The following ACTR10 variants were observed in gnomAD, a reference collection of about 807,000 sequenced individuals.
ACTR10 encodes the protein actin related protein 10.
ACTR10 carries 43 observed loss-of-function variants against 56.2 expected under a neutral mutation model. That is an observed-to-expected ratio of 0.77 (90% CI 0.60 to 0.99). The LOEUF is 0.99. ACTR10 is among the 50% of genes least tolerant of loss of function. The pLI is 0.00. For missense variants in ACTR10, 466 were observed against 507.8 expected (o/e 0.92, Z 0.79); for synonymous variants, 170 against 176.3 (o/e 0.96, Z 0.28).
intron 7 of ACTR10, among the ~76,000 whole-genome samples, chr14:58,215,910 A>G (rs1044720601): frequency 3.3e-5 from 5 of 152,040 alleles, no homozygotes; most frequent in African/African-American, 7.2e-5. Flanking sequence ...CCCGTTTTAC[A>G]AAACTGGAAG....
chr14:58,217,058 T>C (rs1889149948), intron 7 of ACTR10, among the ~76,000 whole-genome samples: 1 of 152,202 alleles, frequency 6.6e-6, no homozygotes, highest in South Asian at 2.1e-4. Flanking sequence ...GATCCAATTA[T>C]AGCTTTCAAA....
intron 8 of ACTR10, among the ~76,000 whole-genome samples, chr14:58,222,260 AG>A (rs1889291483): frequency 6.6e-6 from 1 of 152,172 alleles, no homozygotes; most frequent in Non-Finnish European, 1.5e-5. Context: ...ACTTTAAAAA[AG>A]GTATTCCTTA....
chr14:58,232,398 C>CTTTTTTTTTT (rs1566632021), intron 12 of ACTR10, 131 bp downstream of exon 12: 2 of 204,482 alleles, frequency 9.8e-6, no homozygotes, highest in African/African-American at 6.7e-5. Context: ...CTAACACTGA[C>CTTTTTTTTTT]TTTTTCTTTT....
chr14:58,221,059 G>A (rs953801480), intron 8 of ACTR10, among the ~76,000 whole-genome samples: 7 of 151,858 alleles, frequency 4.6e-5, no homozygotes, highest in African/African-American at 1.5e-4. Context: ...CGAGGTGGGC[G>A]GATCACGAGG....
At position 58,210,375 on chromosome 14, in the gene ACTR10, A is replaced by C. The variant is rs191710092; in HGVS notation, c.343-917A>C. Among the ~76,000 whole-genome samples the C allele has an allele frequency of 9.9e-5, 15 of 152,244 alleles. No individual in the cohort carries two copies. In the East Asian group the frequency reaches 2.9e-3, roughly 30 times the overall value. ...GCCGGACGTGGTGGCATGCACCTGT[A>C]GTCCCAGCTACTCAGGAGACTAAGG... On this transcript the variant is annotated intron_variant, in intron 4 of 12. Transcript: ENST00000254286.
chr14:58,213,321 T>C (rs1027751966), intron 5 of ACTR10: 1 of 211,058 alleles, frequency 4.7e-6, no homozygotes, highest in Non-Finnish European at 9.3e-6. Context: ...TTAGAGCACA[T>C]CTCAATTCAG....
chr14:58,207,342 T>C (rs938994111), intron 2 of ACTR10, among the ~76,000 whole-genome samples: 1 of 150,990 alleles, frequency 6.6e-6, no homozygotes, highest in East Asian at 2.0e-4. Flanking sequence ...TGTTTGTTTT[T>C]TGAGACGGAA....
At chr14:58,222,367 A>T (rs1889293767) in intron 8 of ACTR10, among the ~76,000 whole-genome samples, 1 of 152,224 alleles carries the variant, frequency 6.6e-6, no homozygotes, top group Admixed American at 6.5e-5. Flanking sequence ...AAGTAAAGTG[A>T]TATAGTAGAA....
In ACTR10 at chr14:58,223,771, T is replaced by C. The variant is rs368033138; in HGVS notation, c.715-12T>C. ...CATGTGTGGACTTATGTTTATGATA[T>C]TTATATTTCAGCGTCCCTCCCCACC... On this transcript the variant is annotated splice_polypyrimidine_tract_variant and intron_variant, in intron 9 of 12. Transcript: ENST00000254286. 2.7e-5 allele frequency: 44 copies of C among 1,611,614 alleles called. No homozygotes were observed. The African/African-American group carries it at 5.3e-4, about 20-fold the overall frequency.
At position 58,234,581 on chromosome 14, in the gene ACTR10, T is replaced by C; in HGVS notation, c.*30T>C. The C allele has an allele frequency of 6.3e-7, 1 of 1,587,552 alleles. No homozygotes were observed. The highest frequency in any genetic ancestry group is 1.1e-5 in the South Asian group (1 of 88,338). On this transcript the variant is annotated 3_prime_UTR_variant, in exon 13 of 13. Coordinates refer to ENST00000254286, the MANE Select transcript of ACTR10 (RefSeq NM_018477.3). ...TTGATTAAAAATCAACCTTGCTTCATATCAAATATTTAACCAATTATAAGC... is the reference window on the plus strand; with the variant it reads ...TTGATTAAAAATCAACCTTGCTTCACATCAAATATTTAACCAATTATAAGC...
intron 7 of ACTR10, among the ~76,000 whole-genome samples, chr14:58,215,976 T>TC (rs200415359): frequency 3.4e-5 from 5 of 148,202 alleles, no homozygotes; most frequent in Non-Finnish European, 6.0e-5. Flanking sequence ...TTTCTTTCTT[T>TC]TTTTTTTTTT....
At chr14:58,200,376 G>T in intron 1 of ACTR10, 82 bp downstream of exon 1, 1 of 1,209,776 alleles carries the variant, frequency 8.3e-7, no homozygotes, top group Non-Finnish European at 1.1e-6. Flanking sequence ...GGTCCTCATC[G>T]CCGACTCGCT....
intron 3 of ACTR10, 97 bp from the exon 4 acceptor site, chr14:58,208,902 T>A (rs1368691405): frequency 1.4e-6 from 1 of 724,188 alleles, no homozygotes; most frequent in African/African-American, 1.8e-5. Flanking sequence ...TAAAATATCT[T>A]AAGCTAAGGT....
chr14:58,225,082 GATA>G, intron 10 of ACTR10, among the ~76,000 whole-genome samples: 1 of 152,086 alleles, frequency 6.6e-6, no homozygotes, highest in Non-Finnish European at 1.5e-5. Flanking sequence ...ATTAGCCATA[GATA>G]ATATTTAAAT....
At chr14:58,213,758 CTGTT>C (rs1555349698) in intron 6 of ACTR10, 60 bp downstream of exon 6, 1 of 1,365,152 alleles carries the variant, frequency 7.3e-7, no homozygotes, top group Non-Finnish European at 1.0e-6. Context: ...AGTTGCTAAT[CTGTT>C]TGTTGATCAG....
At chr14:58,202,823 A>G (rs368718582) in intron 1 of ACTR10, 32 bp from the exon 2 acceptor site, 25 of 1,445,206 alleles carry the variant, frequency 1.7e-5, no homozygotes, top group African/African-American at 1.6e-4. Flanking sequence ...AAAGAATACT[A>G]TAAGTTGTTT....
chr14:58,228,931 A>T (rs142430464), intron 10 of ACTR10, among the ~76,000 whole-genome samples: 1 of 151,894 alleles, frequency 6.6e-6, no homozygotes, highest in Admixed American at 6.6e-5. Context: ...ATCTTTTTTT[A>T]TTTTCAAATC....
chr14:58,211,845 C>T (rs573248989), intron 5 of ACTR10, among the ~76,000 whole-genome samples: 1 of 151,580 alleles, frequency 6.6e-6, no homozygotes, highest in Admixed American at 6.6e-5. Flanking sequence ...GAGGCTGAGA[C>T]AGGAGAGTGG....
At chr14:58,209,579 T>C (rs941514180) in intron 4 of ACTR10, among the ~76,000 whole-genome samples, 12 of 152,310 alleles carry the variant, frequency 7.9e-5, no homozygotes, top group Non-Finnish European at 8.8e-5. Flanking sequence ...TCCTTTAAAA[T>C]GGAATATTCA....
Sources: gnomAD v4.1 joint callset for allele counts (sites outside exome capture counted in the v4.1 genomes callset) on GRCh38, gnomAD v4.1.1 for gene constraint, MANE v1.5 for transcripts, NCBI Gene and HGNC (gene_info 2026-07-23, HGNC 2026-07-21) for gene names.